The following SLC18A1 variants were observed in gnomAD, a reference collection of about 807,000 sequenced individuals.
SLC18A1 encodes solute carrier family 18 member A1, also known as chromaffin granule amine transporter.
A neutral mutation model predicts 53.7 loss-of-function variants in SLC18A1; 69 were observed. The observed-to-expected ratio is 1.28, with a 90% CI of 1.06 to 1.57. SLC18A1 has a LOEUF of 1.57. Among genes scored for constraint, SLC18A1 ranks in the 40% most tolerant of loss-of-function variants. SLC18A1 has a pLI of 0.00. For synonymous variants in SLC18A1, 320 were observed against 248.1 expected, an observed-to-expected ratio of 1.29 and a Z score of -2.72; for missense variants, 932 against 668.1, an observed-to-expected ratio of 1.40 and a Z score of -4.35.
rs111269333 is a variant in SLC18A1 at position 20,178,982 on chromosome 8, C to T, written c.488+139G>A. ...CAGTAACATGTTATTCTTTGAGTAA[C>T]GAGCTTTCCGAATAGCTGACTCCCC... On this transcript the variant is annotated intron_variant, in intron 3 of 15. Coordinates refer to ENST00000276373, the MANE Select transcript of SLC18A1 (RefSeq NM_003053.4). The T allele has an allele frequency of 1.5e-4, 146 of 987,452 alleles. 1 individual carries two copies. Among genetic ancestry groups the T allele is most frequent in the African/African-American group, 1.4e-3 (85 of 61,052 alleles). The allele number at this position is 987,452 out of a possible 1,614,324, so 61.2% of individuals were successfully genotyped here. A position where few individuals can be genotyped will look rare whatever the true frequency, so the allele number is the denominator to read the frequency against.
chr8:20,148,917 A>G (rs143028260), intron 12 of SLC18A1, among the ~76,000 whole-genome samples: 1 of 152,270 alleles, frequency 6.6e-6, no homozygotes, highest in East Asian at 1.9e-4. Flanking sequence ...ACACCATCAG[A>G]ACCCTCTCTA....
At chr8:20,175,467 A>G (rs141445522) in intron 4 of SLC18A1, 3 of 152,346 alleles carry the variant, frequency 2.0e-5, no homozygotes, top group African/African-American at 7.2e-5. Context: ...TTTTATGTTC[A>G]GAGATTGCAG....
intron 4 of SLC18A1, among the ~76,000 whole-genome samples, chr8:20,176,529 G>C (rs1422120887): frequency 6.6e-6 from 1 of 152,122 alleles, no homozygotes; most frequent in Admixed American, 6.5e-5. Flanking sequence ...GAATACCAAA[G>C]CAATTATTTT....
intron 3 of SLC18A1, among the ~76,000 whole-genome samples, chr8:20,178,841 C>T (rs1333671885): frequency 2.0e-5 from 3 of 152,196 alleles, no homozygotes; most frequent in African/African-American, 7.2e-5. Context: ...TTTTCCCATT[C>T]AAGCCATGCT....
intron 10 of SLC18A1, among the ~76,000 whole-genome samples, chr8:20,153,884 G>A (rs1198723029): frequency 6.6e-6 from 1 of 152,172 alleles, no homozygotes; most frequent in Non-Finnish European, 1.5e-5. Context: ...CTTGATATTT[G>A]TCCTCTTGAA....
At chr8:20,177,840 T>G (rs2072288586) in intron 4 of SLC18A1, among the ~76,000 whole-genome samples, 1 of 152,200 alleles carries the variant, frequency 6.6e-6, no homozygotes, top group South Asian at 2.1e-4. Context: ...TCTCATGTAC[T>G]GTGTTTATCC....
In SLC18A1 at chr8:20,145,479, A is replaced by T; in HGVS notation, c.*284T>A. ...TATGCAATGAGTCACCCCTTGCAGA[A>T]CCCGTCACAGCTCAAGTTTAATCAA... On this transcript the variant is annotated 3_prime_UTR_variant, in exon 16 of 16. Coordinates refer to ENST00000276373, the MANE Select transcript of SLC18A1 (RefSeq NM_003053.4). 1 of 266,942 alleles carries T rather than the reference A, an allele frequency of 3.7e-6. No homozygotes were observed. The highest frequency in any genetic ancestry group is 1.0e-4 in the South Asian group (1 of 9,532). The allele number at this position is 266,942 out of a possible 1,614,324, so 16.5% of individuals were successfully genotyped here. A position where few individuals can be genotyped will look rare whatever the true frequency, so the allele number is the denominator to read the frequency against.
intron 5 of SLC18A1, 47 bp downstream of exon 5, chr8:20,174,314 G>C (rs1363657026): frequency 8.0e-7 from 1 of 1,251,974 alleles, no homozygotes; most frequent in Non-Finnish European, 1.2e-6. Context: ...AGATGTGTGT[G>C]TGTGCATGCC....
chr8:20,155,595 C>T (rs2071664265), intron 10 of SLC18A1, among the ~76,000 whole-genome samples: 1 of 152,172 alleles, frequency 6.6e-6, no homozygotes, highest in Non-Finnish European at 1.5e-5. Flanking sequence ...TGTGTGCACC[C>T]CTACCTCTTC....
At chr8:20,157,329 G>C (rs750194640) in intron 10 of SLC18A1, among the ~76,000 whole-genome samples, 1 of 152,184 alleles carries the variant, frequency 6.6e-6, no homozygotes, top group African/African-American at 2.4e-5. Flanking sequence ...AGAGTTTGGC[G>C]ATCTCTGGTA....
chr8:20,158,614 T>A (rs975741241), intron 10 of SLC18A1, among the ~76,000 whole-genome samples: 4 of 152,134 alleles, frequency 2.6e-5, no homozygotes, highest in African/African-American at 9.7e-5. Flanking sequence ...GTTAAGGACC[T>A]AAAAGCCCAA....
At chr8:20,148,444 A>G (rs2071461998) in intron 12 of SLC18A1, 1 of 1,291,248 alleles carries the variant, frequency 7.7e-7, no homozygotes, top group Non-Finnish European at 1.0e-6. Flanking sequence ...CTCATTCTTC[A>G]TGGAATAAAG....
rs545945695 is a variant in SLC18A1 at position 20,180,592 on chromosome 8, C to T, written c.124+249G>A. Among the ~76,000 whole-genome samples, 87 of 152,306 alleles carry T rather than the reference C, an allele frequency of 5.7e-4. 1 individual carries two copies. Among genetic ancestry groups the T allele is most frequent in the Middle Eastern group, 6.8e-3 (2 of 294 alleles). ...ACAGCCAGTTCTGGCTCCGGGCCAT[C>T]CTCTTCTCCAGTCAGACCCTCTCTG... On this transcript the variant is annotated intron_variant, in intron 2 of 15. Coordinates refer to ENST00000276373, the MANE Select transcript of SLC18A1 (RefSeq NM_003053.4).
At position 20,180,849 on chromosome 8, in the gene SLC18A1, G is replaced by A. The variant is rs1282781304; in HGVS notation, c.116C>T (p.Thr39Ile). ...VALLLDNMLF[T>I]VVVPIVPTFL... Reference sequence around the variant, plus strand: ...AAGACCCACAAACGTACCCACCACAGTAAACAGCATGTTGTCCAGGAGCAA... The same window carrying A: ...AAGACCCACAAACGTACCCACCACAATAAACAGCATGTTGTCCAGGAGCAA... The change falls in exon 2 of 16, where the codon ACT (threonine) becomes ATT (isoleucine). Residue 39 changes from threonine (T) to isoleucine (I), a missense_variant. By Grantham distance (89) the Thr-to-Ile change is moderately conservative. Coordinates refer to ENST00000276373, the MANE Select transcript of SLC18A1 (RefSeq NM_003053.4). The A allele has an allele frequency of 6.2e-7, 1 of 1,613,880 alleles. No individual in the cohort carries two copies. Among genetic ancestry groups the A allele is most frequent in the African/African-American group, 1.3e-5 (1 of 74,932 alleles).
At chr8:20,160,914 C>T (rs932724012) in intron 10 of SLC18A1, among the ~76,000 whole-genome samples, 2 of 152,122 alleles carry the variant, frequency 1.3e-5, no homozygotes, top group Admixed American at 1.3e-4. Context: ...AAACTCCCCC[C>T]TTTTGTGACT....
intron 10 of SLC18A1, among the ~76,000 whole-genome samples, chr8:20,156,691 A>G (rs1563735206): frequency 6.6e-6 from 1 of 152,212 alleles, no homozygotes; most frequent in African/African-American, 2.4e-5. Flanking sequence ...AACAGGATCC[A>G]TCTCTCATAT....
intron 12 of SLC18A1, 44 bp downstream of exon 12, chr8:20,149,632 C>T (rs938913109): frequency 1.6e-5 from 24 of 1,505,918 alleles, no homozygotes; most frequent in South Asian, 1.0e-4. Flanking sequence ...GTCTGTCTCT[C>T]GCTCTCTCTC....
chr8:20,169,967 A>T (rs928890880), intron 8 of SLC18A1, among the ~76,000 whole-genome samples: 1 of 152,204 alleles, frequency 6.6e-6, no homozygotes, highest in African/African-American at 2.4e-5. Context: ...TGCACAGTTA[A>T]TAATAAACAG....
intron 13 of SLC18A1, 98 bp downstream of exon 13, chr8:20,147,909 C>G: frequency 2.7e-6 from 4 of 1,467,846 alleles, no homozygotes; most frequent in Non-Finnish European, 3.7e-6. Flanking sequence ...CCTTCTGCCT[C>G]TGCACCTACC....
Sources: allele counts gnomAD v4.1 joint callset (sites outside exome capture counted in the v4.1 genomes callset), GRCh38; gene constraint gnomAD v4.1.1; transcripts MANE v1.5; gene names NCBI Gene and HGNC (gene_info 2026-07-23, HGNC 2026-07-21).